Variants in GRIN2A observed in about 807,000 individuals in gnomAD.
GRIN2A encodes the protein glutamate ionotropic receptor NMDA type subunit 2A, also known as glutamate receptor ionotropic, NMDA 2A.
Under a neutral mutation model 113.4 loss-of-function variants are expected in GRIN2A, and 22 were observed. That is an observed-to-expected ratio of 0.19 (90% CI 0.14 to 0.28). The LOEUF (loss-of-function observed/expected upper bound fraction) is 0.28. GRIN2A is among the 10% of genes least tolerant of loss of function. GRIN2A has a pLI of 1.00. For synonymous variants in GRIN2A, 827 were observed against 738.4 expected (o/e 1.12, Z -1.94); for missense variants, 1,502 against 1,887.0 (o/e 0.80, Z 3.78).
intron 2 of GRIN2A, among the ~76,000 whole-genome samples, chr16:10,018,632 G>A (rs1381686267): frequency 6.6e-6 from 1 of 152,122 alleles, no homozygotes; most frequent in Admixed American, 6.5e-5. Flanking sequence ...GCTGCACGAG[G>A]GAAACTCTAT....
chr16:10,021,225 G>A (rs1050655132), intron 2 of GRIN2A, among the ~76,000 whole-genome samples: 2 of 152,168 alleles, frequency 1.3e-5, no homozygotes, highest in East Asian at 3.8e-4. Context: ...TGAGACCTAG[G>A]TAGTGAATGA....
At chr16:9,806,386 C>G (rs915487560) in intron 10 of GRIN2A, among the ~76,000 whole-genome samples, 5 of 152,144 alleles carry the variant, frequency 3.3e-5, no homozygotes, top group African/African-American at 2.4e-5. Flanking sequence ...AAATTTCACC[C>G]TGTGTGCTTT....
chr16:10,095,596 A>C (rs889588683), intron 2 of GRIN2A, among the ~76,000 whole-genome samples: 42 of 152,342 alleles, frequency 2.8e-4, no homozygotes, highest in African/African-American at 1.0e-3. Flanking sequence ...ATATAGTCTC[A>C]ATGTATCTGC....
chr16:9,991,038 G>A (rs964156528), intron 2 of GRIN2A, among the ~76,000 whole-genome samples: 3 of 152,064 alleles, frequency 2.0e-5, no homozygotes, highest in Admixed American at 6.5e-5. Flanking sequence ...CTACACTCCA[G>A]CCTGGGTGAC....
At chr16:9,765,595 G>A (rs1391986556) in intron 12 of GRIN2A, among the ~76,000 whole-genome samples, 1 of 152,172 alleles carries the variant, frequency 6.6e-6, no homozygotes, top group Non-Finnish European at 1.5e-5. Flanking sequence ...AGAAGGAGTT[G>A]CAGACTTACC....
intron 2 of GRIN2A, among the ~76,000 whole-genome samples, chr16:10,028,005 G>C (rs2046854831): frequency 6.6e-6 from 1 of 152,126 alleles, no homozygotes; most frequent in African/African-American, 2.4e-5. Flanking sequence ...CGGGAGGTTG[G>C]GGACTTATTA....
chr16:10,178,304 C>G (rs2050191950), intron 2 of GRIN2A, among the ~76,000 whole-genome samples: 2 of 152,196 alleles, frequency 1.3e-5, no homozygotes, highest in Non-Finnish European at 2.9e-5. Flanking sequence ...GATCCCTTGT[C>G]CCTCCTGAAG....
Position 9,760,374 on chromosome 16 carries a change from A to ATTTTTTTTTTTTTTTTTTTTTT in GRIN2A, c.*2753_*2774dup, listed in dbSNP as rs35189803. 2.2e-5 allele frequency: 2 copies of ATTTTTTTTTTTTTTTTTTTTTT among 89,550 alleles called. No homozygotes were observed. The highest frequency in any genetic ancestry group is 1.9e-5 in the Non-Finnish European group (1 of 51,648). 5.5% of individuals were successfully genotyped at this position (89,550 alleles called of 1,614,324 possible). On this transcript the variant is annotated 3_prime_UTR_variant, in exon 13 of 13. Transcript: ENST00000330684. ...AAATTGACCATCTGATCAGTAGTTGATTTTTTTTTTTTTTTTTTTTTTTTG... is the reference window on the plus strand; with the variant it reads ...AAATTGACCATCTGATCAGTAGTTGATTTTTTTTTTTTTTTTTTTTTTTTTTTTTTTTTTTTTTTTTTTTTTG...
At chr16:10,117,057 G>A (rs2048741431) in intron 2 of GRIN2A, among the ~76,000 whole-genome samples, 2 of 123,726 alleles carry the variant, frequency 1.6e-5, no homozygotes, top group African/African-American at 6.2e-5. Context: ...TAGCTCAAGT[G>A]ACTGAAAAAA....
intron 2 of GRIN2A, among the ~76,000 whole-genome samples, chr16:10,024,833 G>C (rs2046790681): frequency 6.6e-6 from 1 of 152,222 alleles, no homozygotes; most frequent in Admixed American, 6.5e-5. Flanking sequence ...GATGGCATGA[G>C]AGACCACAAG....
chr16:9,956,462 C>T (rs190760286), intron 2 of GRIN2A, among the ~76,000 whole-genome samples: 35 of 152,246 alleles, frequency 2.3e-4, no homozygotes, highest in Non-Finnish European at 3.8e-4. Context: ...ATGAATCTTA[C>T]CAACTTCTAG....
intron 10 of GRIN2A, among the ~76,000 whole-genome samples, chr16:9,813,207 A>G (rs7197278): frequency 0.29 from 44,120 of 152,158 alleles, 6,789 homozygotes; most frequent in African/African-American, 0.39. Flanking sequence ...TAGCTCAATG[A>G]AATTATCACC....
intron 2 of GRIN2A, among the ~76,000 whole-genome samples, chr16:9,996,897 G>T (rs1326989863): frequency 6.6e-6 from 1 of 152,188 alleles, no homozygotes; most frequent in African/African-American, 2.4e-5. Context: ...TCTAACACCA[G>T]GTGTTTTTTT....
At chr16:10,121,844 T>G (rs1448248) in intron 2 of GRIN2A, among the ~76,000 whole-genome samples, 128,288 of 152,148 alleles carry the variant, frequency 0.84, 54,890 homozygotes, top group East Asian at 0.92. Context: ...AGCACTGGCC[T>G]TGGCTAATTT....
At chr16:10,170,108 C>T (rs1026207483) in intron 2 of GRIN2A, among the ~76,000 whole-genome samples, 4 of 152,158 alleles carry the variant, frequency 2.6e-5, no homozygotes, top group African/African-American at 9.7e-5. Context: ...AAAATGCATG[C>T]TGTCTAAAGA....
At chr16:10,030,868 C>T (rs2046915324) in intron 2 of GRIN2A, among the ~76,000 whole-genome samples, 1 of 152,134 alleles carries the variant, frequency 6.6e-6, no homozygotes, top group Non-Finnish European at 1.5e-5. Context: ...TCAAAGTGCC[C>T]ACATTCTAGT....
chr16:10,091,242 T>C (rs572032483), intron 2 of GRIN2A, among the ~76,000 whole-genome samples: 4 of 152,298 alleles, frequency 2.6e-5, no homozygotes, highest in South Asian at 4.1e-4. Context: ...GACTGGCATA[T>C]AGATATTCAC....
intron 2 of GRIN2A, among the ~76,000 whole-genome samples, chr16:10,169,814 C>G (rs1440326389): frequency 2.6e-5 from 4 of 152,192 alleles, no homozygotes; most frequent in Admixed American, 2.6e-4. Context: ...GGAGCTATCA[C>G]CTCCCTTGAT....
At chr16:9,995,050 A>G (rs1478602356) in intron 2 of GRIN2A, among the ~76,000 whole-genome samples, 1 of 152,198 alleles carries the variant, frequency 6.6e-6, no homozygotes, top group Non-Finnish European at 1.5e-5. Context: ...TGAGACTGGG[A>G]GAAAGGAAGA....
Sources: allele counts gnomAD v4.1 joint callset (sites outside exome capture counted in the v4.1 genomes callset), GRCh38; gene constraint gnomAD v4.1.1; transcripts MANE v1.5; gene names NCBI Gene and HGNC (gene_info 2026-07-23, HGNC 2026-07-21).